Variants in TMEM117 observed in about 807,000 individuals in gnomAD.
TMEM117 encodes the protein transmembrane protein 117.
Under a neutral mutation model 52.4 loss-of-function variants are expected in TMEM117, and 27 were observed. That is an observed-to-expected ratio of 0.51 (90% CI 0.38 to 0.71). The LOEUF (loss-of-function observed/expected upper bound fraction) is 0.71. TMEM117 is among the 30% of genes least tolerant of loss of function. The probability of loss-of-function intolerance (pLI) is 0.00; values close to 1 mark genes in which losing one functional copy is unlikely to be tolerated. For synonymous variants in TMEM117, 215 were observed against 206.3 expected (o/e 1.04, Z -0.36); for missense variants, 556 against 630.5 (o/e 0.88, Z 1.26).
intron 3 of TMEM117, among the ~76,000 whole-genome samples, chr12:44,019,757 T>C (rs1013996480): frequency 6.6e-6 from 1 of 152,202 alleles, no homozygotes; most frequent in African/African-American, 2.4e-5. Flanking sequence ...AAGTCCTTCC[T>C]TTTATTCTTA....
intron 3 of TMEM117, among the ~76,000 whole-genome samples, chr12:43,967,101 T>C (rs1350182150): frequency 1.3e-5 from 2 of 150,972 alleles, no homozygotes; most frequent in Admixed American, 1.3e-4. Context: ...GAATAGAATT[T>C]GATAAAAGCA....
At chr12:43,912,353 G>A (rs1319951820) in intron 2 of TMEM117, among the ~76,000 whole-genome samples, 18 of 150,762 alleles carry the variant, frequency 1.2e-4, no homozygotes, top group African/African-American at 4.4e-4. Context: ...GTTGTGGGGT[G>A]GGGGAAGGGG....
intron 2 of TMEM117, among the ~76,000 whole-genome samples, chr12:43,876,477 T>C (rs1171031451): frequency 6.6e-6 from 1 of 152,234 alleles, no homozygotes; most frequent in African/African-American, 2.4e-5. Flanking sequence ...GATAAGAGGA[T>C]GGAGAAGACA....
intron 3 of TMEM117, among the ~76,000 whole-genome samples, chr12:44,037,814 A>G (rs371101986): frequency 3.3e-5 from 5 of 151,900 alleles, no homozygotes; most frequent in Admixed American, 2.0e-4. Flanking sequence ...CGTCAGGACT[A>G]CCAGCTGCAG....
At chr12:44,315,752 A>G (rs917188266) in intron 6 of TMEM117, among the ~76,000 whole-genome samples, 1 of 152,222 alleles carries the variant, frequency 6.6e-6, no homozygotes, top group South Asian at 2.1e-4. Context: ...TTGGGTGCAC[A>G]TATACTTAGG....
At chr12:44,152,590 T>A (rs1948761825) in intron 4 of TMEM117, among the ~76,000 whole-genome samples, 1 of 122,852 alleles carries the variant, frequency 8.1e-6, no homozygotes, top group Non-Finnish European at 1.6e-5. Flanking sequence ...TATATAATAT[T>A]TATATCATAT....
chr12:44,362,833 C>CTT (rs11301034), intron 6 of TMEM117, among the ~76,000 whole-genome samples: 5 of 146,480 alleles, frequency 3.4e-5, no homozygotes, highest in Admixed American at 2.0e-4. Context: ...CTTTCCTTTT[C>CTT]TTTTTTTTTT....
At chr12:44,242,207 G>A (rs1708281583) in intron 5 of TMEM117, among the ~76,000 whole-genome samples, 1 of 151,462 alleles carries the variant, frequency 6.6e-6, no homozygotes, top group African/African-American at 2.4e-5. Flanking sequence ...ATGTCATGGG[G>A]GTTTGTTGTA....
At chr12:43,896,736 C>T (rs1329916402) in intron 2 of TMEM117, among the ~76,000 whole-genome samples, 1 of 152,160 alleles carries the variant, frequency 6.6e-6, no homozygotes, top group Non-Finnish European at 1.5e-5. Context: ...ACTCCTCCCT[C>T]ACTACAGTTG....
downstream of TMEM117, among the ~76,000 whole-genome samples, chr12:44,392,938 A>G (rs759071077): frequency 3.9e-5 from 6 of 152,124 alleles, no homozygotes; most frequent in Non-Finnish European, 8.8e-5. Flanking sequence ...TGATGGAAGA[A>G]CAAACATCAG....
At position 44,220,800 on chromosome 12, in the gene TMEM117, A is replaced by G. The variant is rs749381451; in HGVS notation, c.608+9413A>G. Among the ~76,000 whole-genome samples, 82 of 152,350 alleles carry G rather than the reference A, an allele frequency of 5.4e-4. 1 individual carries two copies. Among genetic ancestry groups the G allele is most frequent in the Non-Finnish European group, 7.8e-4 (53 of 68,026 alleles). On this transcript the variant is annotated intron_variant, in intron 5 of 7. Coordinates refer to ENST00000266534, the MANE Select transcript of TMEM117 (RefSeq NM_032256.3). ...AAGAGTCAACCCAAAAGAAGTCTCA[A>G]TGGCCAAAGCTAGAGAAATTTGGTC...
intron 3 of TMEM117, among the ~76,000 whole-genome samples, chr12:43,984,752 G>A (rs1408852292): frequency 6.6e-6 from 1 of 152,008 alleles, no homozygotes; most frequent in Non-Finnish European, 1.5e-5. Context: ...AGAGGTAAAG[G>A]AAAAGTATTA....
intron 3 of TMEM117, among the ~76,000 whole-genome samples, chr12:43,960,773 C>T (rs17627855): frequency 0.011 from 1,728 of 152,090 alleles, 13 homozygotes; most frequent in Non-Finnish European, 0.019. Context: ...AAAAATAATG[C>T]GGAAACGTTA....
chr12:44,096,038 T>G (rs1048580884), intron 3 of TMEM117, among the ~76,000 whole-genome samples: 4 of 152,154 alleles, frequency 2.6e-5, no homozygotes, highest in African/African-American at 7.2e-5. Flanking sequence ...ACAAAATCAA[T>G]GTACAAAAAT....
At chr12:44,195,921 T>C (rs961026062) in intron 4 of TMEM117, among the ~76,000 whole-genome samples, 1 of 149,940 alleles carries the variant, frequency 6.7e-6, no homozygotes, top group Non-Finnish European at 1.5e-5. Context: ...AATAAATAAA[T>C]AAATAAATAA....
In TMEM117 at chr12:44,211,378, C is replaced by G; in HGVS notation, c.599C>G (p.Thr200Ser). 6.2e-7 allele frequency: 1 copy of G among 1,606,156 alleles called. No homozygotes were observed. Among genetic ancestry groups the G allele is most frequent in the Non-Finnish European group, 8.5e-7 (1 of 1,175,388 alleles). ...TGGAAGAAAGGAAATGTTAGGATCACTTTATTCTGGTAGGAAATTGTTTCA... is the reference window on the plus strand; with the variant it reads ...TGGAAGAAAGGAAATGTTAGGATCAGTTTATTCTGGTAGGAAATTGTTTCA... ...AFWKKGNVRI[T>S]LFWTVLFTLT... is the part of the protein sequence containing the mutation. Residue 200 changes from threonine (T) to serine (S), a missense_variant, in exon 5 of 8, where the codon ACT becomes AGT. This residue lies in a region of TMEM117 where 328 missense variants were observed against 371.4 expected (regional missense o/e 0.88). Transcript: ENST00000266534.
At chr12:44,201,081 A>G (rs2138369126) in intron 4 of TMEM117, among the ~76,000 whole-genome samples, 1 of 152,320 alleles carries the variant, frequency 6.6e-6, no homozygotes, top group South Asian at 2.1e-4. Flanking sequence ...ATTATATTGA[A>G]TTTTTTAAAA....
the TMEM117 span, among the ~76,000 whole-genome samples, chr12:43,820,136 T>A: frequency 6.6e-6 from 1 of 151,830 alleles, no homozygotes; most frequent in Non-Finnish European, 1.5e-5. Context: ...TGTTTTTGTT[T>A]TTGCCAAGTG....
intron 6 of TMEM117, among the ~76,000 whole-genome samples, chr12:44,312,609 T>C (rs571935739): frequency 6.6e-6 from 1 of 152,298 alleles, no homozygotes; most frequent in South Asian, 2.1e-4. Context: ...GAATGATTTA[T>C]TTTTTATTGA....
Sources: gnomAD v4.1 joint callset for allele counts (sites outside exome capture counted in the v4.1 genomes callset) on GRCh38, gnomAD v4.1.1 for gene constraint, gnomAD v4.1.1 regional missense constraint, MANE v1.5 for transcripts, NCBI Gene and HGNC (gene_info 2026-07-23, HGNC 2026-07-21) for gene names.